WWOX: variants seen among roughly 807,000 people sequenced by gnomAD.
The protein encoded by WWOX is WW domain-containing oxidoreductase.
In WWOX, 69 loss-of-function variants were observed where a neutral mutation model predicts 46.2. That is an observed-to-expected ratio of 1.49 (90% CI 1.23 to 1.82). WWOX has a LOEUF of 1.82. WWOX is among the 40% of genes most tolerant of loss of function. The pLI is 0.00. For synonymous variants in WWOX, 359 were observed against 202.6 expected (o/e 1.77, Z -6.56); for missense variants, 919 against 542.6 (o/e 1.69, Z -6.89).
intron 8 of WWOX, among the ~76,000 whole-genome samples, chr16:78,444,602 T>C (rs1469856735): frequency 1.3e-5 from 2 of 150,788 alleles, no homozygotes; most frequent in African/African-American, 4.9e-5. Context: ...CGATCTCGGC[T>C]CACTGCAAAC....
chr16:78,600,517 G>C (rs1314138227), intron 8 of WWOX, among the ~76,000 whole-genome samples: 2 of 152,140 alleles, frequency 1.3e-5, no homozygotes, highest in Non-Finnish European at 2.9e-5. Context: ...CATGTTTACA[G>C]AATGAAAGAT....
At chr16:78,212,981 G>A (rs1326514082) in intron 5 of WWOX, among the ~76,000 whole-genome samples, 1 of 152,058 alleles carries the variant, frequency 6.6e-6, no homozygotes, top group Admixed American at 6.5e-5. Flanking sequence ...GGATCTGGCT[G>A]GGCCCGATGC....
At chr16:78,536,254 T>C (rs2043756717) in intron 8 of WWOX, among the ~76,000 whole-genome samples, 1 of 152,090 alleles carries the variant, frequency 6.6e-6, no homozygotes, top group African/African-American at 2.4e-5. Context: ...TTAGTGTAAA[T>C]GTCATGTAGA....
At chr16:78,391,042 C>A (rs1000084810) in intron 6 of WWOX, among the ~76,000 whole-genome samples, 1 of 152,148 alleles carries the variant, frequency 6.6e-6, no homozygotes, top group Non-Finnish European at 1.5e-5. Context: ...ATTGTGTAGT[C>A]TTAGAGCAGA....
At chr16:78,882,144 C>G (rs746060266) in intron 8 of WWOX, among the ~76,000 whole-genome samples, 1 of 152,058 alleles carries the variant, frequency 6.6e-6, no homozygotes, top group Admixed American at 6.6e-5. Context: ...AAACAAAGAA[C>G]TGACAATAAA....
intron 8 of WWOX, among the ~76,000 whole-genome samples, chr16:78,599,041 C>G (rs1171229992): frequency 6.6e-6 from 1 of 152,164 alleles, no homozygotes; most frequent in Admixed American, 6.5e-5. Flanking sequence ...AACAATCAAA[C>G]TGGACTTTGG....
chr16:78,849,201 G>T (rs1422315457), intron 8 of WWOX, among the ~76,000 whole-genome samples: 2 of 152,130 alleles, frequency 1.3e-5, no homozygotes, highest in Non-Finnish European at 2.9e-5. Flanking sequence ...GTAAGTCTCT[G>T]GGAGCACTCA....
intron 8 of WWOX, among the ~76,000 whole-genome samples, chr16:79,108,025 T>A (rs2049344286): frequency 6.6e-6 from 1 of 152,230 alleles, no homozygotes. Flanking sequence ...ATATCTGGGA[T>A]AAATGAGAAC....
chr16:78,714,181 A>G (rs146129661), intron 8 of WWOX, among the ~76,000 whole-genome samples: 72 of 152,312 alleles, frequency 4.7e-4, no homozygotes, highest in Non-Finnish European at 8.4e-4. Context: ...TATATGTCCT[A>G]TATTAGTCTA....
chr16:78,313,086 C>G (rs1197694808), intron 5 of WWOX, among the ~76,000 whole-genome samples: 2 of 152,152 alleles, frequency 1.3e-5, no homozygotes, highest in East Asian at 3.8e-4. Context: ...CATCTGAGTA[C>G]CTATAACATC....
chr16:78,570,633 C>G (rs1451927050), intron 8 of WWOX, among the ~76,000 whole-genome samples: 1 of 152,148 alleles, frequency 6.6e-6, no homozygotes, highest in African/African-American at 2.4e-5. Flanking sequence ...ACTCAACCAG[C>G]TTCCTACTAG....
Position 78,564,403 on chromosome 16 carries a change from C to T in WWOX, c.1056+131651C>T, listed in dbSNP as rs113972289. 3.8e-4 allele frequency among the ~76,000 whole-genome samples: 58 copies of T among 152,274 alleles called. 1 individual carries two copies. Among genetic ancestry groups the T allele is most frequent in the African/African-American group, 1.4e-3 (57 of 41,572 alleles). ...ATGCCCTGGCTAGTGTTTTCTGTCT[C>T]AGGAAGCATGAACATTTCATCCAGG... On this transcript the variant is annotated intron_variant, in intron 8 of 8. Coordinates refer to ENST00000566780, the MANE Select transcript of WWOX (RefSeq NM_016373.4).
chr16:78,494,992 G>A (rs948283298), intron 8 of WWOX, among the ~76,000 whole-genome samples: 3 of 152,150 alleles, frequency 2.0e-5, no homozygotes, highest in Non-Finnish European at 4.4e-5. Context: ...ATGCTGTGGC[G>A]AAACCCAGGG....
Position 78,336,310 on chromosome 16 carries a change from T to A in WWOX, c.517-50550T>A, listed in dbSNP as rs185122533. Among the ~76,000 whole-genome samples the A allele has an allele frequency of 5.3e-4, 57 of 108,426 alleles. No individual in the cohort carries two copies. The East Asian group carries it at 7.6e-3, about 15-fold the overall frequency. 71.1% of individuals were successfully genotyped at this position (108,426 alleles called of 152,430 possible). ...CAACATGGTGAAACCCCATCCCTAC[T>A]AAAAATACAAAAATAACACCAAAAA... On this transcript the variant is annotated intron_variant, in intron 5 of 8. Coordinates refer to ENST00000566780, the MANE Select transcript of WWOX (RefSeq NM_016373.4).
chr16:78,304,961 T>C (rs1394193331), intron 5 of WWOX, among the ~76,000 whole-genome samples: 1 of 152,142 alleles, frequency 6.6e-6, no homozygotes, highest in Middle Eastern at 3.2e-3. Context: ...TTTTTTTCTT[T>C]TCTTTCCTTC....
chr16:78,238,778 C>G (rs2037527436), intron 5 of WWOX, among the ~76,000 whole-genome samples: 1 of 151,952 alleles, frequency 6.6e-6, no homozygotes. Context: ...TGCCACCACA[C>G]CCGGCTAATT....
At chr16:78,689,043 A>AT (rs1181911396) in intron 8 of WWOX, among the ~76,000 whole-genome samples, 2 of 152,118 alleles carry the variant, frequency 1.3e-5, no homozygotes, top group African/African-American at 2.4e-5. Context: ...AGTCAGTTAA[A>AT]TCTCTTTGCT....
chr16:78,713,273 CAAAAAAAAAAAAAAAA>C (rs5818165), intron 8 of WWOX, among the ~76,000 whole-genome samples: 5 of 17,050 alleles, frequency 2.9e-4, no homozygotes, highest in East Asian at 3.8e-3. Flanking sequence ...GACTCTGTCT[CAAAAAAAAAAAAAAAA>C]AAAAAAAAAA....
At chr16:79,204,351 G>C (rs2051439464) in intron 8 of WWOX, 1 of 152,114 alleles carries the variant, frequency 6.6e-6, no homozygotes, top group Non-Finnish European at 1.5e-5. Context: ...GATGGAACAA[G>C]TGTGCATGTA....
Sources: allele counts gnomAD v4.1 joint callset (sites outside exome capture counted in the v4.1 genomes callset), GRCh38; gene constraint gnomAD v4.1.1; transcripts MANE v1.5; gene names NCBI Gene and HGNC (gene_info 2026-07-23, HGNC 2026-07-21).